The following MOCS1 variants were observed in gnomAD, a reference collection of about 807,000 sequenced individuals.
MOCS1 encodes molybdenum cofactor synthesis 1.
MOCS1 carries 39 observed loss-of-function variants against 57.6 expected under a neutral mutation model. That is an observed-to-expected ratio of 0.68 (90% CI 0.52 to 0.88). MOCS1 has a LOEUF of 0.88. MOCS1 is among the 40% of genes least tolerant of loss of function. MOCS1 has a pLI of 0.00. For missense variants in MOCS1, 795 were observed against 831.1 expected (o/e 0.96, Z 0.53); for synonymous variants, 334 against 335.7 (o/e 1.00, Z 0.05).
intron 3 of MOCS1, among the ~76,000 whole-genome samples, chr6:39,925,156 A>G (rs1358494691): frequency 1.3e-5 from 2 of 152,238 alleles, no homozygotes; most frequent in African/African-American, 2.4e-5. Flanking sequence ...TTTGGCTGCT[A>G]TAACTTGCCA....
chr6:39,905,341 T>C lies in MOCS1; in HGVS notation c.*1016A>G, dbSNP rs1298906423. 1 of 458,286 alleles carries C rather than the reference T, an allele frequency of 2.2e-6. No individual in the cohort carries two copies. Among genetic ancestry groups the C allele is most frequent in the South Asian group, 1.5e-5 (1 of 64,570 alleles). 28.4% of individuals were successfully genotyped at this position (458,286 alleles called of 1,614,324 possible). ...CATTTCTATGCCCCCTACTCCACTT[T>C]ATTTTCCCATAGCGGGGCTATACAG... On this transcript the variant is annotated 3_prime_UTR_variant, in exon 11 of 11. Transcript: ENST00000340692.
At chr6:39,910,032 C>T (rs1423058578) in intron 8 of MOCS1, 77 bp from the exon 9 acceptor site, 2 of 1,596,628 alleles carry the variant, frequency 1.3e-6, no homozygotes, top group Non-Finnish European at 1.7e-6. Context: ...CTAACTCCTT[C>T]CCTGGTTCTC....
chr6:39,919,855 C>T (rs1767867654), intron 3 of MOCS1, among the ~76,000 whole-genome samples: 1 of 152,068 alleles, frequency 6.6e-6, no homozygotes, highest in Admixed American at 6.5e-5. Flanking sequence ...GACCTATATG[C>T]AAATTTAAAA....
intron 9 of MOCS1, 37 bp from the exon 10 acceptor site, chr6:39,909,139 AGGGGAG>A: frequency 2.1e-6 from 2 of 946,834 alleles, no homozygotes; most frequent in Non-Finnish European, 3.1e-6. Context: ...AGAGGAAAGC[AGGGGAG>A]GGGGAGAGGG....
intron 4 of MOCS1, 25 bp from the exon 5 acceptor site, chr6:39,913,860 G>A (rs769662942): frequency 3.2e-5 from 52 of 1,612,330 alleles, no homozygotes; most frequent in Non-Finnish European, 4.2e-5. Flanking sequence ...CAAGGATCCA[G>A]GAACTTCTGT....
rs773185787 is a variant in MOCS1, at chr6:39,927,249, A to G, written c.250+80T>C. The G allele has an allele frequency of 1.9e-6, 3 of 1,555,624 alleles. No individual in the cohort carries two copies. The East Asian group carries it at 6.8e-5, about 35-fold the overall frequency. ...AAGCAGAACTGGAGGACACAGGAGG[A>G]TTTCCAGGCACAGGGAAATTTCAAG... On this transcript the variant is annotated intron_variant, in intron 2 of 10. Transcript: ENST00000340692.
In MOCS1 at chr6:39,906,999, T is replaced by C. The variant is rs1329431373; in HGVS notation, c.1269A>G (p.Leu423=). The C allele has an allele frequency of 7.4e-6, 12 of 1,613,840 alleles. 1 individual carries two copies. The highest frequency in any genetic ancestry group is 1.0e-5 in the Non-Finnish European group (12 of 1,179,896). The change falls in exon 11 of 11, where the codon TTA becomes TTG. Residue 423 remains leucine, a synonymous_variant. Transcript: ENST00000340692. ...RMSFSSQVAT[L]WKGCRVPQTP... ...TCTGGGGGACCCTGCATCCTTTCCATAAAGTGGCCACCTGGCTGGAGAAAC... is the reference window on the plus strand; with the variant it reads ...TCTGGGGGACCCTGCATCCTTTCCACAAAGTGGCCACCTGGCTGGAGAAAC...
rs1279028508 is a variant in MOCS1, at chr6:39,906,396, G to C, written c.1872C>G (p.Ser624Arg). 1.2e-6 allele frequency: 2 copies of C among 1,600,880 alleles called. No individual in the cohort carries two copies. The highest frequency in any genetic ancestry group is 2.7e-5 in the African/African-American group (2 of 74,696). Reference sequence around the variant, plus strand: ...AGTCCCCCCGCTGACCACCAGTCTTGCTAATGAGCTTGATCTCCTCCAACA... The same window carrying C: ...AGTCCCCCCGCTGACCACCAGTCTTCCTAATGAGCTTGATCTCCTCCAACA... ...DIVLEEIKLI[S>R]KTGGQRGDFH... The change falls in exon 11 of 11, where the codon AGC (serine) becomes AGG (arginine). Residue 624 changes from serine to arginine, a missense_variant. This residue lies in a region of MOCS1 where 374 missense variants were observed against 422.6 expected (regional missense o/e 0.89). Coordinates refer to ENST00000340692, the MANE Select transcript of MOCS1 (RefSeq NM_001358530.2).
chr6:39,912,833 T>TC, intron 7 of MOCS1, 59 bp downstream of exon 7: 8 of 1,291,040 alleles, frequency 6.2e-6, no homozygotes, highest in Non-Finnish European at 9.0e-6. Flanking sequence ...TAGCTCTCCA[T>TC]CCTAGGGTGG....
chr6:39,912,498 T>TC lies in MOCS1; in HGVS notation c.871-125dup, dbSNP rs1482296895. On this transcript the variant is annotated intron_variant, in intron 7 of 10. Transcript: ENST00000340692. ...TCTCCCAGAGGACCCCACGTGAAGC[T>TC]CCACCCAAGGCCCTCAGGTGATAGA... 4 of 748,704 alleles carry TC rather than the reference T, an allele frequency of 5.3e-6. No homozygotes were observed. The African/African-American group carries it at 6.9e-5, about 13-fold the overall frequency. The allele number at this position is 748,704 out of a possible 1,614,324, so 46.4% of individuals were successfully genotyped here.
At chr6:39,917,246 C>G (rs981194684) in intron 3 of MOCS1, among the ~76,000 whole-genome samples, 1 of 152,160 alleles carries the variant, frequency 6.6e-6, no homozygotes, top group Non-Finnish European at 1.5e-5. Flanking sequence ...GAAGCAAACA[C>G]GTCCTTCTTC....
At chr6:39,930,039 T>C (rs1208791316) in intron 1 of MOCS1, among the ~76,000 whole-genome samples, 2 of 151,800 alleles carry the variant, frequency 1.3e-5, no homozygotes, top group Non-Finnish European at 2.9e-5. Flanking sequence ...TGACCTTGTC[T>C]AGACTTATGC....
chr6:39,915,838 C>T (rs1459658614), intron 4 of MOCS1, among the ~76,000 whole-genome samples: 1 of 152,014 alleles, frequency 6.6e-6, no homozygotes, highest in Non-Finnish European at 1.5e-5. Flanking sequence ...CCTGGGCAAA[C>T]TGGGGCTGGG....
chr6:39,916,272 T>C (rs371040306), intron 3 of MOCS1, 40 bp from the exon 4 acceptor site: 27 of 1,610,734 alleles, frequency 1.7e-5, no homozygotes, highest in Non-Finnish European at 1.9e-5. Flanking sequence ...TGCTTGCTTG[T>C]TCTTGGTGAG....
In MOCS1 at chr6:39,906,567, CT is replaced by C. The variant is rs1766959847; in HGVS notation, c.1700del (p.Glu567GlyfsTer9). On this transcript the variant is annotated frameshift_variant, in exon 11 of 11. Transcript: ENST00000340692. LOFTEE classifies it high-confidence loss of function. ...VALSHIQVQL[E>X]LDSTRHAVKI... is the part of the protein sequence containing the mutation. ...TCACGGCATGGCGTGTGCTGTCCAGCTCCAGCTGCACCTGGATGTGGCTCAG... is the reference window on the plus strand; with the variant it reads ...TCACGGCATGGCGTGTGCTGTCCAGCCCAGCTGCACCTGGATGTGGCTCAG... 1.2e-6 allele frequency: 2 copies of C among 1,613,838 alleles called. No homozygotes were observed. The highest frequency in any genetic ancestry group is 1.7e-6 in the Non-Finnish European group (2 of 1,180,040).
At chr6:39,914,247 G>A (rs1767524019) in intron 4 of MOCS1, among the ~76,000 whole-genome samples, 1 of 152,164 alleles carries the variant, frequency 6.6e-6, no homozygotes, top group Admixed American at 6.5e-5. Context: ...GGCTAGATGT[G>A]GCCTGTGGGC....
In MOCS1 at chr6:39,904,768, A is replaced by G. The variant is rs369466260; in HGVS notation, c.*1589T>C. On this transcript the variant is annotated 3_prime_UTR_variant, in exon 11 of 11. Coordinates refer to ENST00000340692, the MANE Select transcript of MOCS1 (RefSeq NM_001358530.2). ...CACCAGCTGCCTCAGATGACAAATG[A>G]GGCTAATGGACATAATCTACAGTGT... 6 of 454,134 alleles carry G rather than the reference A, an allele frequency of 1.3e-5. No homozygotes were observed. Among genetic ancestry groups the G allele is most frequent in the South Asian group, 3.1e-5 (2 of 64,476 alleles). The allele number at this position is 454,134 out of a possible 1,614,324, so 28.1% of individuals were successfully genotyped here.
chr6:39,925,557 G>A, intron 3 of MOCS1, 121 bp downstream of exon 3: 5 of 1,170,104 alleles, frequency 4.3e-6, no homozygotes, highest in South Asian at 1.3e-5. Context: ...AGCAGGTGTT[G>A]TAGGACCAAG....
intron 1 of MOCS1, 139 bp from the exon 2 acceptor site, chr6:39,927,594 T>G (rs1234788899): frequency 6.2e-7 from 1 of 1,605,668 alleles, no homozygotes; most frequent in Non-Finnish European, 8.5e-7. Flanking sequence ...GGCTCTGCAA[T>G]GTTGGGGAAG....
Sources: allele counts gnomAD v4.1 joint callset (sites outside exome capture counted in the v4.1 genomes callset), GRCh38; gene constraint gnomAD v4.1.1; regional missense constraint gnomAD v4.1.1; transcripts MANE v1.5; gene names NCBI Gene and HGNC (gene_info 2026-07-23, HGNC 2026-07-21).